DNA2: variants seen among roughly 807,000 people sequenced by gnomAD.
DNA2 encodes DNA replication ATP-dependent helicase/nuclease DNA2.
DNA2 carries 101 observed loss-of-function variants against 119.1 expected under a neutral mutation model. The observed-to-expected ratio is 0.85, with a 90% CI of 0.72 to 1.00. The LOEUF is 1.00. Ranked by LOEUF, DNA2 falls within the 50% of genes least tolerant of loss-of-function variation. DNA2 has a pLI of 0.00. For missense variants in DNA2, 1,121 were observed against 1,255.5 expected, an observed-to-expected ratio of 0.89 and a Z score of 1.62; for synonymous variants, 366 against 424.4, an observed-to-expected ratio of 0.86 and a Z score of 1.69.
Position 68,419,118 on chromosome 10 carries a change from G to T in DNA2, c.2883C>A (p.Val961=), listed in dbSNP as rs750764449. The T allele has an allele frequency of 2.5e-5, 40 of 1,612,922 alleles. No individual in the cohort carries two copies. Among genetic ancestry groups the T allele is most frequent in the Non-Finnish European group, 3.3e-5 (39 of 1,179,536 alleles). ...NDLLARSIGM[V]EVNTVDKYQG... is the part of the protein sequence containing the mutation. The stretch of plus-strand genomic sequence containing the variant: ...GGTATTTGTCTACTGTATTAACTTC[G>T]ACCATCCCAATAGAACGTGCCAATA... The change falls in exon 19 of 21, where the codon GTC becomes GTA. Residue 961 remains valine, a synonymous_variant. Coordinates refer to ENST00000358410, the MANE Select transcript of DNA2 (RefSeq NM_001080449.3).
intron 5 of DNA2, among the ~76,000 whole-genome samples, chr10:68,456,354 G>A (rs1216809059): frequency 6.6e-6 from 1 of 152,250 alleles, no homozygotes. Flanking sequence ...TATATCATTC[G>A]AACCACAGGG....
chr10:68,452,877 C>G (rs1187254464), intron 5 of DNA2, among the ~76,000 whole-genome samples: 1 of 150,392 alleles, frequency 6.6e-6, no homozygotes, highest in Non-Finnish European at 1.5e-5. Flanking sequence ...AGCCACCATG[C>G]GCGGCCACTA....
chr10:68,432,389 CA>C lies in DNA2; in HGVS notation c.1763+4del. On this transcript the variant is annotated splice_donor_region_variant and intron_variant, in intron 11 of 20. Coordinates refer to ENST00000358410, the MANE Select transcript of DNA2 (RefSeq NM_001080449.3). ...TGAAATTCAAATTTGCTCATTGTTA[CA>C]AACCTGACAAACGTGTTTTCCATCA... is the stretch of plus-strand genomic sequence containing the variant. The C allele has an allele frequency of 6.3e-7, 1 of 1,581,884 alleles. No homozygotes were observed.
At chr10:68,459,332 G>A (rs1374123748) in intron 4 of DNA2, 97 bp from the exon 5 acceptor site, 28 of 1,302,572 alleles carry the variant, frequency 2.1e-5, no homozygotes, top group South Asian at 1.6e-4. Context: ...AAAAGTAAAC[G>A]AGGACAAAAA....
intron 10 of DNA2, among the ~76,000 whole-genome samples, chr10:68,434,004 G>A (rs1374403689): frequency 6.6e-6 from 1 of 152,204 alleles, no homozygotes; most frequent in Non-Finnish European, 1.5e-5. Context: ...GGCTGGCATG[G>A]TGGCTCACGC....
Position 68,470,118 on chromosome 10 carries a change from G to T in DNA2, c.120C>A (p.Ser40Arg), listed in dbSNP as rs372280270. Reference sequence around the variant, plus strand: ...CCAGGTACCGGTTATCCATTCCTGTGCTCAGAACTGTTCTTGGAAAGGAAG... The same window carrying T: ...CCAGGTACCGGTTATCCATTCCTGTTCTCAGAACTGTTCTTGGAAAGGAAG... ...VVASFPRTVLSTGMDNRYLVL... is the reference protein window; with the variant it reads ...VVASFPRTVLRTGMDNRYLVL... Residue 40 changes from serine to arginine, a missense_variant, in exon 2 of 21, where the codon AGC becomes AGA. Transcript: ENST00000358410. 5.0e-6 allele frequency: 8 copies of T among 1,608,732 alleles called. No individual in the cohort carries two copies. Among genetic ancestry groups the T allele is most frequent in the African/African-American group, 1.3e-5 (1 of 74,624 alleles).
At chr10:68,456,353 C>T (rs1024716101) in intron 5 of DNA2, among the ~76,000 whole-genome samples, 4 of 152,178 alleles carry the variant, frequency 2.6e-5, no homozygotes, top group Non-Finnish European at 4.4e-5. Flanking sequence ...TTATATCATT[C>T]GAACCACAGG....
intron 13 of DNA2, among the ~76,000 whole-genome samples, chr10:68,431,181 G>A (rs1300493691): frequency 7.1e-6 from 1 of 140,470 alleles, no homozygotes; most frequent in African/African-American, 2.8e-5. Context: ...GATCCACCTC[G>A]CCTGGCTCAC....
At chr10:68,466,336 T>C (rs1241042946) in intron 3 of DNA2, among the ~76,000 whole-genome samples, 1 of 152,142 alleles carries the variant, frequency 6.6e-6, no homozygotes, top group African/African-American at 2.4e-5. Context: ...ATAATTAATA[T>C]TTAAAGTATT....
At chr10:68,427,489 T>C (rs745700667) in intron 14 of DNA2, among the ~76,000 whole-genome samples, 2 of 149,800 alleles carry the variant, frequency 1.3e-5, no homozygotes, top group African/African-American at 2.5e-5. Flanking sequence ...CATAAAAAAA[T>C]TGAAAATATT....
chr10:68,457,274 C>T (rs2052197486), intron 5 of DNA2, among the ~76,000 whole-genome samples: 1 of 152,176 alleles, frequency 6.6e-6, no homozygotes, highest in African/African-American at 2.4e-5. Context: ...TTGCTCTAGC[C>T]ATCACACTAG....
intron 7 of DNA2, among the ~76,000 whole-genome samples, chr10:68,445,964 TAA>T (rs1170346739): frequency 1.3e-5 from 2 of 151,788 alleles, no homozygotes. Context: ...CCATCTCTAC[TAA>T]AAGTAAAACT....
At chr10:68,425,427 G>A (rs2051726979) in intron 14 of DNA2, among the ~76,000 whole-genome samples, 2 of 144,798 alleles carry the variant, frequency 1.4e-5, no homozygotes, top group Non-Finnish European at 3.0e-5. Flanking sequence ...TTGAGATGGA[G>A]TCTCGCTCTG....
At chr10:68,426,175 C>T (rs896882742) in intron 14 of DNA2, among the ~76,000 whole-genome samples, 1 of 151,638 alleles carries the variant, frequency 6.6e-6, no homozygotes, top group African/African-American at 2.4e-5. Context: ...AGACAGAGTT[C>T]TTAGACTTGA....
At chr10:68,440,662 AT>A (rs1259996671) in intron 9 of DNA2, among the ~76,000 whole-genome samples, 4 of 152,186 alleles carry the variant, frequency 2.6e-5, no homozygotes, top group African/African-American at 4.8e-5. Flanking sequence ...GATTAAAAAA[AT>A]GAAAGCAATT....
chr10:68,449,674 A>G (rs2052091756), intron 6 of DNA2, among the ~76,000 whole-genome samples: 1 of 152,166 alleles, frequency 6.6e-6, no homozygotes, highest in Non-Finnish European at 1.5e-5. Flanking sequence ...CTGTAATCCC[A>G]GCACTTTGGG....
chr10:68,471,974 G>A (rs2052388393), upstream of DNA2: 2 of 1,611,842 alleles, frequency 1.2e-6, no homozygotes, highest in African/African-American at 2.7e-5. Flanking sequence ...TCGCGCGCAT[G>A]CGCCAACCCG....
rs141172562 is a variant in DNA2 at position 68,422,940 on chromosome 10, GT to G, written c.2209-51del. ...TTATTTAACATGTAAAAGAAATGTA[GT>G]TTTGTTTCTCTCATTTTTGAAATGA... On this transcript the variant is annotated intron_variant, in intron 14 of 20. Transcript: ENST00000358410. 0.012 allele frequency: 16,008 copies of G among 1,341,720 alleles called. 1,341 individuals carry two copies. In the African/African-American group the frequency reaches 0.19, roughly 16 times the overall value. The allele number at this position is 1,341,720 out of a possible 1,614,324, so 83.1% of individuals were successfully genotyped here.
At chr10:68,425,680 C>T (rs1400842140) in intron 14 of DNA2, among the ~76,000 whole-genome samples, 1 of 151,866 alleles carries the variant, frequency 6.6e-6, no homozygotes, top group African/African-American at 2.4e-5. Context: ...GGATTACAGG[C>T]GTGAGACACC....
Sources: allele counts gnomAD v4.1 joint callset (sites outside exome capture counted in the v4.1 genomes callset), GRCh38; gene constraint gnomAD v4.1.1; transcripts MANE v1.5; gene names NCBI Gene and HGNC (gene_info 2026-07-23, HGNC 2026-07-21).